The following ZFHX4 variants were observed in gnomAD, a reference collection of about 807,000 sequenced individuals.
The protein encoded by ZFHX4 is zinc finger homeobox protein 4.
Under a neutral mutation model 267.6 loss-of-function variants are expected in ZFHX4, and 56 were observed. That is an observed-to-expected ratio of 0.21 (90% CI 0.17 to 0.26). ZFHX4 has a LOEUF of 0.26. Among genes scored for constraint, ZFHX4 ranks in the 10% least tolerant of loss-of-function variants. The pLI is 1.00. For synonymous variants in ZFHX4, 1,778 were observed against 1,665.6 expected, an observed-to-expected ratio of 1.07 and a Z score of -1.64; for missense variants, 4,332 against 4,420.0, an observed-to-expected ratio of 0.98 and a Z score of 0.56.
At chr8:76,733,991 G>T (rs1471813539) in intron 3 of ZFHX4, among the ~76,000 whole-genome samples, 1 of 152,080 alleles carries the variant, frequency 6.6e-6, no homozygotes, top group African/African-American at 2.4e-5. Flanking sequence ...ACATTTACTT[G>T]AATGAAATGT....
intron 3 of ZFHX4, among the ~76,000 whole-genome samples, chr8:76,722,045 T>C (rs1158002701): frequency 6.6e-6 from 1 of 152,124 alleles, no homozygotes; most frequent in Non-Finnish European, 1.5e-5. Context: ...TCTATTGCTA[T>C]TTCAGGCCTA....
chr8:76,702,209 A>G lies in ZFHX4; in HGVS notation c.-46-1834A>G, dbSNP rs112745429. ...TCAATGATTAAAATTAAAATTACAC[A>G]CTAGGGTTTGTGATGTTTGATTTGT... On this transcript the variant is annotated intron_variant, in intron 1 of 10. Coordinates refer to ENST00000651372, the MANE Select transcript of ZFHX4 (RefSeq NM_024721.5). Among the ~76,000 whole-genome samples the G allele has an allele frequency of 2.6e-3, 397 of 152,290 alleles. 4 individuals are homozygous for G. The highest frequency in any genetic ancestry group is 3.7e-3 in the South Asian group (18 of 4,826).
At chr8:76,712,671 T>C (rs1033495689) in intron 3 of ZFHX4, among the ~76,000 whole-genome samples, 1 of 152,226 alleles carries the variant, frequency 6.6e-6, no homozygotes, top group Non-Finnish European at 1.5e-5. Flanking sequence ...CTTAATCTTA[T>C]TCTAGTCATT....
chr8:76,800,647 TAACAAGCC>T (rs1398542605), intron 4 of ZFHX4, among the ~76,000 whole-genome samples: 4 of 152,170 alleles, frequency 2.6e-5, no homozygotes, highest in African/African-American at 9.6e-5. Flanking sequence ...TTGTGCTCCT[TAACAAGCC>T]AATCTTAATC....
Position 76,706,394 on chromosome 8 carries a change from G to A in ZFHX4, c.2306G>A (p.Cys769Tyr). ...SKPKQKPTWR[C>Y]EVCDYETNVA... ...CCCAAACAGAAACCCACCTGGCGGTGTGAAGTTTGTGATTATGAAACCAAT... is the reference window on the plus strand; with the variant it reads ...CCCAAACAGAAACCCACCTGGCGGTATGAAGTTTGTGATTATGAAACCAAT... Residue 769 changes from cysteine to tyrosine, a missense_variant, in exon 2 of 11, where the codon TGT (cysteine) becomes TAT (tyrosine). Cys to Tyr is a radical substitution (Grantham distance 194). Transcript: ENST00000651372. 6.2e-7 allele frequency: 1 copy of A among 1,614,152 alleles called. No homozygotes were observed. The highest frequency in any genetic ancestry group is 8.5e-7 in the Non-Finnish European group (1 of 1,180,006).
chr8:76,706,749 G>A (rs1808286955), intron 2 of ZFHX4, 71 bp downstream of exon 2: 1 of 1,433,774 alleles, frequency 7.0e-7, no homozygotes, highest in African/African-American at 1.4e-5. Flanking sequence ...GATGCACCCA[G>A]ATAAAATGGT....
intron 4 of ZFHX4, among the ~76,000 whole-genome samples, chr8:76,826,756 G>T (rs1811795961): frequency 6.6e-6 from 1 of 152,198 alleles, no homozygotes; most frequent in African/African-American, 2.4e-5. Context: ...TAAGTAATAG[G>T]AGTAAGTTCT....
chr8:76,777,885 GTT>G (rs200762181), intron 3 of ZFHX4, among the ~76,000 whole-genome samples: 3 of 131,490 alleles, frequency 2.3e-5, no homozygotes, highest in African/African-American at 8.3e-5. Context: ...TTTGTTTTTT[GTT>G]TTTTTTTTTT....
intron 4 of ZFHX4, among the ~76,000 whole-genome samples, chr8:76,802,769 A>C (rs1360578439): frequency 2.0e-5 from 3 of 152,208 alleles, no homozygotes; most frequent in Non-Finnish European, 4.4e-5. Context: ...TTTAGGCCTC[A>C]GAATTATTTT....
chr8:76,791,614 G>A (rs1009818808), intron 4 of ZFHX4, among the ~76,000 whole-genome samples: 1 of 152,064 alleles, frequency 6.6e-6, no homozygotes, highest in East Asian at 1.9e-4. Flanking sequence ...GGAAGAAAAG[G>A]TGGCAGAGTA....
At chr8:76,760,658 T>A (rs1399201099) in intron 3 of ZFHX4, among the ~76,000 whole-genome samples, 8 of 151,976 alleles carry the variant, frequency 5.3e-5, no homozygotes, top group African/African-American at 1.9e-4. Flanking sequence ...CCAGGTGGGG[T>A]GGCTCACACC....
In ZFHX4 at chr8:76,823,940, T is replaced by C. The variant is rs572467182; in HGVS notation, c.3326-9398T>C. ...ATAAACATTAAATATTTAGGAAGTA[T>C]AGTAGCAAGATTTTATTTATTTGTT... On this transcript the variant is annotated intron_variant, in intron 4 of 10. Transcript: ENST00000651372. 1.3e-3 allele frequency among the ~76,000 whole-genome samples: 194 copies of C among 152,274 alleles called. 1 individual carries two copies. Among genetic ancestry groups the C allele is most frequent in the African/African-American group, 4.5e-3 (187 of 41,554 alleles).
chr8:76,712,271 G>A (rs1475528144), intron 3 of ZFHX4, among the ~76,000 whole-genome samples: 1 of 152,122 alleles, frequency 6.6e-6, no homozygotes, highest in Admixed American at 6.6e-5. Context: ...AAGAATCCTG[G>A]TTAAGAACTA....
intron 4 of ZFHX4, among the ~76,000 whole-genome samples, chr8:76,822,397 G>GT (rs922666560): frequency 2.0e-5 from 3 of 146,402 alleles, no homozygotes; most frequent in Admixed American, 6.8e-5. Flanking sequence ...TGATTCCAAG[G>GT]TTTTTTTCCT....
chr8:76,833,281 TG>T, intron 4 of ZFHX4, 56 bp from the exon 5 acceptor site: 1 of 1,490,540 alleles, frequency 6.7e-7, no homozygotes, highest in Non-Finnish European at 9.3e-7. Context: ...ATATTAGCCA[TG>T]ATGAGAGAGC....
In ZFHX4 at chr8:76,704,804, A is replaced by G; in HGVS notation, c.716A>G (p.Asp239Gly). 1 of 1,614,138 alleles carries G rather than the reference A, an allele frequency of 6.2e-7. No individual in the cohort carries two copies. Among genetic ancestry groups the G allele is most frequent in the Non-Finnish European group, 8.5e-7 (1 of 1,179,986 alleles). Residue 239 changes from aspartate to glycine, a missense_variant, in exon 2 of 11, where the codon GAC becomes GGC. Asp to Gly is a moderately conservative substitution (Grantham distance 94). Coordinates refer to ENST00000651372, the MANE Select transcript of ZFHX4 (RefSeq NM_024721.5). ...VYDLRHKREK[D>G]YLTSDGSAKN... ...GATCTCCGACACAAGAGAGAGAAAGACTATCTAACCAGTGATGGCTCAGCC... is the reference window on the plus strand; with the variant it reads ...GATCTCCGACACAAGAGAGAGAAAGGCTATCTAACCAGTGATGGCTCAGCC...
intron 6 of ZFHX4, among the ~76,000 whole-genome samples, chr8:76,844,970 T>C (rs757408791): frequency 6.6e-6 from 1 of 152,142 alleles, no homozygotes; most frequent in Non-Finnish European, 1.5e-5. Flanking sequence ...CTTACATTTA[T>C]TGTTTTTCTC....
intron 4 of ZFHX4, among the ~76,000 whole-genome samples, chr8:76,786,505 A>G (rs776357302): frequency 1.3e-4 from 20 of 151,910 alleles, no homozygotes; most frequent in Admixed American, 2.6e-4. Flanking sequence ...TCAATGCGAT[A>G]TAGTAAACAG....
At chr8:76,703,125 G>A (rs1023333725) in intron 1 of ZFHX4, among the ~76,000 whole-genome samples, 15 of 152,192 alleles carry the variant, frequency 9.9e-5, no homozygotes, top group African/African-American at 3.6e-4. Flanking sequence ...TAAGACGCCT[G>A]CTTGCAAAAA....
Sources: allele counts gnomAD v4.1 joint callset (sites outside exome capture counted in the v4.1 genomes callset), GRCh38; gene constraint gnomAD v4.1.1; transcripts MANE v1.5; gene names NCBI Gene and HGNC (gene_info 2026-07-23, HGNC 2026-07-21).